The following SAMD4B variants were observed in gnomAD, a reference collection of about 807,000 sequenced individuals.
SAMD4B encodes the protein sterile alpha motif domain containing 4B.
SAMD4B carries 5 observed loss-of-function variants against 74.5 expected under a neutral mutation model. The ratio of observed to expected loss-of-function variants is 0.07; its 90% CI spans 0.04 to 0.14. The LOEUF is 0.14. Among genes scored for constraint, SAMD4B ranks in the 10% least tolerant of loss-of-function variants. The pLI is 1.00. For missense variants in SAMD4B, 608 were observed against 921.8 expected, an observed-to-expected ratio of 0.66 and a Z score of 4.41; for synonymous variants, 373 against 374.9, an observed-to-expected ratio of 1.00 and a Z score of 0.06.
At chr19:39,380,873 G>T in intron 11 of SAMD4B, 88 bp downstream of exon 11, 2 of 1,511,382 alleles carry the variant, frequency 1.3e-6, no homozygotes, top group Non-Finnish European at 1.8e-6. Flanking sequence ...TCTGTGTCTG[G>T]ACCCAGCTTA....
At chr19:39,365,939 G>T (rs147254417) in intron 3 of SAMD4B, among the ~76,000 whole-genome samples, 419 of 152,242 alleles carry the variant, frequency 2.8e-3, no homozygotes, top group African/African-American at 9.7e-3. Flanking sequence ...AGTGGCTCAT[G>T]CCTGTAATCT....
At chr19:39,355,030 G>A (rs1194146717) in intron 2 of SAMD4B, among the ~76,000 whole-genome samples, 7 of 152,028 alleles carry the variant, frequency 4.6e-5, no homozygotes, top group African/African-American at 1.2e-4. Flanking sequence ...GCAGTAGCAC[G>A]CCCGGCTAAT....
At chr19:39,379,935 C>T (rs752931675) in intron 9 of SAMD4B, 31 bp from the exon 10 acceptor site, 1 of 1,541,456 alleles carries the variant, frequency 6.5e-7, no homozygotes, top group Non-Finnish European at 9.0e-7. Flanking sequence ...GCATCACCCT[C>T]TCTGCTTCAC....
chr19:39,381,207 C>A, intron 12 of SAMD4B, 94 bp downstream of exon 12: 1 of 1,428,126 alleles, frequency 7.0e-7, no homozygotes, highest in Non-Finnish European at 9.4e-7. Flanking sequence ...TTCTTCTAGA[C>A]TGCATTGGCA....
intron 11 of SAMD4B, 30 bp from the exon 12 acceptor site, chr19:39,380,960 C>T: frequency 6.3e-7 from 1 of 1,581,760 alleles, no homozygotes. Context: ...TCTGCACTCA[C>T]TACTTTCTCT....
chr19:39,378,666 C>T lies in SAMD4B; in HGVS notation c.1530+77C>T, dbSNP rs930506598. 9.1e-5 allele frequency: 116 copies of T among 1,273,854 alleles called. No individual in the cohort carries two copies. In the African/African-American group the frequency reaches 1.2e-3, roughly 13 times the overall value. The allele number at this position is 1,273,854 out of a possible 1,614,324, so 78.9% of individuals were successfully genotyped here. On this transcript the variant is annotated intron_variant, in intron 9 of 13. Coordinates refer to ENST00000610417, the MANE Select transcript of SAMD4B (RefSeq NM_001384574.2). This position sits in a 1 kb window ranked among gnomAD's most constrained non-coding sequence, Gnocchi z 4.4. ...GTTCACGCCTGTAGTCCCAGCACTT[C>T]GGCCACCGAGGCGGGCGGATCATGA...
chr19:39,365,930 G>A (rs2076934155), intron 3 of SAMD4B, among the ~76,000 whole-genome samples: 1 of 152,178 alleles, frequency 6.6e-6, no homozygotes, highest in South Asian at 2.1e-4. Flanking sequence ...GCTGGGCACA[G>A]TGGCTCATGC....
In SAMD4B at chr19:39,379,057, T is replaced by TC. The variant is rs368222862; in HGVS notation, c.1530+468_1530+469insC. 1.2e-4 allele frequency among the ~76,000 whole-genome samples: 16 copies of TC among 134,934 alleles called. No homozygotes were observed. The South Asian group carries it at 2.7e-3, about 23-fold the overall frequency. The allele number at this position is 134,934 out of a possible 152,430, so 88.5% of individuals were successfully genotyped here. ...TACACACTCTTCCTCTCTCTCTCTCTTTTTTTTTTTTTTAATAGAGACGAG... is the reference window on the plus strand; with the variant it reads ...TACACACTCTTCCTCTCTCTCTCTCTCTTTTTTTTTTTTTAATAGAGACGAG... On this transcript the variant is annotated intron_variant, in intron 9 of 13. Coordinates refer to ENST00000610417, the MANE Select transcript of SAMD4B (RefSeq NM_001384574.2).
chr19:39,372,433 C>G (rs766237803), intron 4 of SAMD4B, among the ~76,000 whole-genome samples: 2 of 152,158 alleles, frequency 1.3e-5, no homozygotes, highest in Non-Finnish European at 2.9e-5. Context: ...GTGAAGGCTA[C>G]ATTCTGGGGG....
intron 1 of SAMD4B, chr19:39,351,732 C>T (rs2076053746): frequency 1.3e-5 from 2 of 151,982 alleles, no homozygotes; most frequent in African/African-American, 2.4e-5. Context: ...AGGCTTCCAC[C>T]GTGAAATAGA....
Position 39,379,946 on chromosome 19 carries a change from C to T in SAMD4B, c.1531-20C>T, listed in dbSNP as rs747031636. 20 of 1,593,134 alleles carry T rather than the reference C, an allele frequency of 1.3e-5. No homozygotes were observed. Among genetic ancestry groups the T allele is most frequent in the Non-Finnish European group, 1.5e-5 (18 of 1,162,174 alleles). On this transcript the variant is annotated intron_variant, in intron 9 of 13. Transcript: ENST00000610417. ...GGAAGCATCACCCTCTCTGCTTCACCGGTGTCCTGCCAATTCTAGGCTTTC... is the reference window on the plus strand; with the variant it reads ...GGAAGCATCACCCTCTCTGCTTCACTGGTGTCCTGCCAATTCTAGGCTTTC...
chr19:39,358,325 C>CT (rs1260454790), intron 3 of SAMD4B, among the ~76,000 whole-genome samples: 1 of 152,052 alleles, frequency 6.6e-6, no homozygotes, highest in Non-Finnish European at 1.5e-5. Context: ...GTCAGACTGT[C>CT]TAAGTTTAAA....
Position 39,378,511 on chromosome 19 carries a change from C to T in SAMD4B, c.1452C>T (p.Thr484=). The T allele has an allele frequency of 6.2e-7, 1 of 1,613,940 alleles. No homozygotes were observed. The highest frequency in any genetic ancestry group is 8.5e-7 in the Non-Finnish European group (1 of 1,179,928). The change falls in exon 9 of 14, where the codon ACC becomes ACT. Residue 484 remains threonine (T), a synonymous_variant. Transcript: ENST00000610417. This position sits in a 1 kb window ranked among gnomAD's most constrained non-coding sequence, Gnocchi z 4.4. ...QFTRVMGKVC[T]QLLVSRPDEE... is the part of the protein sequence containing the mutation. ...TTTCTCATGTCCCCCCAGTGTGCACCCAACTGCTGGTGTCCCGACCAGACG... is the reference window on the plus strand; with the variant it reads ...TTTCTCATGTCCCCCCAGTGTGCACTCAACTGCTGGTGTCCCGACCAGACG...
intron 2 of SAMD4B, among the ~76,000 whole-genome samples, chr19:39,356,450 A>G (rs1186972646): frequency 7.2e-5 from 11 of 152,154 alleles, no homozygotes; most frequent in Admixed American, 6.5e-4. Context: ...GTGAGGGCCA[A>G]CATCTCCTTG....
intron 4 of SAMD4B, 125 bp downstream of exon 4, chr19:39,370,250 G>A: frequency 2.2e-6 from 2 of 913,046 alleles, no homozygotes; most frequent in South Asian, 1.6e-5. Flanking sequence ...AACTTTATGA[G>A]GCAATGCAGA....
chr19:39,390,428 A>G, downstream of SAMD4B: 1 of 762,480 alleles, frequency 1.3e-6, no homozygotes, highest in South Asian at 1.6e-5. Flanking sequence ...GGAGTGTCCA[A>G]ATGCTTTAAT....
chr19:39,355,767 A>G (rs1341031227), intron 2 of SAMD4B, among the ~76,000 whole-genome samples: 2 of 152,152 alleles, frequency 1.3e-5, no homozygotes, highest in African/African-American at 4.8e-5. Flanking sequence ...GAATTTGGAC[A>G]CTTTGTAGCT....
At chr19:39,347,932 G>A (rs1200068575) in intron 1 of SAMD4B, among the ~76,000 whole-genome samples, 2 of 152,076 alleles carry the variant, frequency 1.3e-5, no homozygotes, top group East Asian at 3.8e-4. Context: ...CTGATGGGGG[G>A]AGGAAACAAA....
downstream of SAMD4B, chr19:39,389,467 G>A (rs1568374826): frequency 1.2e-6 from 2 of 1,613,830 alleles, no homozygotes; most frequent in Non-Finnish European, 1.7e-6. The surrounding 1 kb of genome is among the most constrained non-coding windows in gnomAD (Gnocchi z 5.3). Flanking sequence ...GTACCCATTT[G>A]CTACCCACTC....
Sources: gnomAD v4.1 joint callset for allele counts (sites outside exome capture counted in the v4.1 genomes callset) on GRCh38, gnomAD v4.1.1 for gene constraint, Gnocchi (gnomAD v3.1) non-coding constraint, MANE v1.5 for transcripts, NCBI Gene and HGNC (gene_info 2026-07-23, HGNC 2026-07-21) for gene names.